The following RHOBTB3 variants were observed in gnomAD, a reference collection of about 807,000 sequenced individuals.
The protein encoded by RHOBTB3 is rho-related BTB domain-containing protein 3.
RHOBTB3 carries 47 observed loss-of-function variants against 67.2 expected under a neutral mutation model. That is an observed-to-expected ratio of 0.70 (90% CI 0.55 to 0.89). The LOEUF is 0.89. RHOBTB3 is among the 40% of genes least tolerant of loss of function. The pLI is 0.00. For synonymous variants in RHOBTB3, 273 were observed against 274.2 expected (o/e 1.00, Z 0.04); for missense variants, 631 against 750.0 (o/e 0.84, Z 1.85).
chr5:95,767,932 A>G, intron 7 of RHOBTB3, 114 bp from the exon 8 acceptor site: 1 of 982,146 alleles, frequency 1.0e-6, no homozygotes, highest in Non-Finnish European at 1.6e-6. Flanking sequence ...GTCATAGAGT[A>G]GGGAATCATA....
intron 9 of RHOBTB3, among the ~76,000 whole-genome samples, chr5:95,780,785 C>G (rs1746025467): frequency 6.6e-6 from 1 of 152,144 alleles, no homozygotes; most frequent in Admixed American, 6.5e-5. Flanking sequence ...GCTGTCTCTT[C>G]CACAAGAAGA....
chr5:95,749,488 A>G (rs980782986), intron 4 of RHOBTB3, among the ~76,000 whole-genome samples: 8 of 152,228 alleles, frequency 5.3e-5, no homozygotes, highest in African/African-American at 9.6e-5. Flanking sequence ...TAATATTACA[A>G]TGTTAAAGAA....
intron 2 of RHOBTB3, among the ~76,000 whole-genome samples, chr5:95,735,664 G>A (rs1755438000): frequency 6.6e-6 from 1 of 152,010 alleles, no homozygotes; most frequent in Non-Finnish European, 1.5e-5. Flanking sequence ...TGTACCAAAG[G>A]CCACATAAAA....
chr5:95,732,860 G>A (rs1247831298), intron 2 of RHOBTB3: 1 of 152,126 alleles, frequency 6.6e-6, no homozygotes, highest in Non-Finnish European at 1.5e-5. Context: ...ATAACATTAT[G>A]TTTGAATGTT....
chr5:95,753,338 T>C (rs1314802649), intron 5 of RHOBTB3, among the ~76,000 whole-genome samples: 1 of 152,060 alleles, frequency 6.6e-6, no homozygotes, highest in African/African-American at 2.4e-5. Context: ...GAGGGATATA[T>C]GTGAAGGGTA....
intron 3 of RHOBTB3, among the ~76,000 whole-genome samples, chr5:95,738,012 A>G (rs1001067065): frequency 4.6e-5 from 7 of 152,258 alleles, no homozygotes; most frequent in Non-Finnish European, 1.5e-5. Context: ...AATTTCAGTT[A>G]GCATAATACT....
At chr5:95,780,004 C>T in intron 8 of RHOBTB3, 1 of 445,748 alleles carries the variant, frequency 2.2e-6, no homozygotes. Context: ...TCTGGAAATA[C>T]AAACTAAGTA....
At chr5:95,758,844 G>T (rs1745318537) in intron 6 of RHOBTB3, among the ~76,000 whole-genome samples, 2 of 152,198 alleles carry the variant, frequency 1.3e-5, no homozygotes, top group Admixed American at 1.3e-4. Context: ...TCTCTGGACT[G>T]CCAGAAGCAG....
intron 8 of RHOBTB3, among the ~76,000 whole-genome samples, chr5:95,777,351 T>C (rs1745917434): frequency 6.6e-6 from 1 of 152,246 alleles, no homozygotes; most frequent in Admixed American, 6.5e-5. Context: ...TTTATTTTAG[T>C]AAACAGTCAA....
intron 8 of RHOBTB3, chr5:95,769,688 C>T (rs367564808): frequency 8.3e-4 from 141 of 170,220 alleles, no homozygotes; most frequent in Middle Eastern, 6.9e-3. Flanking sequence ...ATTAATGTAT[C>T]GAATAATTAG....
rs34389233 is a variant in RHOBTB3 at position 95,795,102 on chromosome 5, CA to C, written c.*1944del. On this transcript the variant is annotated 3_prime_UTR_variant, in exon 12 of 12. Coordinates refer to ENST00000379982, the MANE Select transcript of RHOBTB3 (RefSeq NM_014899.4). ...GGGTGACAAGAGCGAAACTCCATCT[CA>C]AAAAAAAAAAAAAAACCAAAGTGAA... 0.083 allele frequency: 10,161 copies of C among 122,482 alleles called. 407 individuals are homozygous for C. Among genetic ancestry groups the C allele is most frequent in the Middle Eastern group, 0.19 (47 of 250 alleles). The allele number at this position is 122,482 out of a possible 1,614,324, so 7.6% of individuals were successfully genotyped here.
intron 9 of RHOBTB3, among the ~76,000 whole-genome samples, chr5:95,781,065 G>A (rs1746033003): frequency 6.6e-6 from 1 of 152,176 alleles, no homozygotes; most frequent in South Asian, 2.1e-4. Context: ...CCAAACATCT[G>A]TGACAGCTCT....
At chr5:95,792,504 A>G (rs1390176755) in intron 11 of RHOBTB3, among the ~76,000 whole-genome samples, 1 of 152,092 alleles carries the variant, frequency 6.6e-6, no homozygotes, top group Non-Finnish European at 1.5e-5. Context: ...ATTGGAAAAG[A>G]AAAGGAAGCC....
chr5:95,768,158 A>C lies in RHOBTB3; in HGVS notation c.1274A>C (p.Glu425Ala). 1 of 1,611,688 alleles carries C rather than the reference A, an allele frequency of 6.2e-7. No individual in the cohort carries two copies. The highest frequency in any genetic ancestry group is 8.5e-7 in the Non-Finnish European group (1 of 1,179,246). ...CCGATGCTTGCCGATGTTGTCTTCG[A>C]AATTCAAGGTACGGATCAACTTTTA... ...NKPMLADVVF[E>A]IQGTTVPAHR... Residue 425 changes from glutamate to alanine, a missense_variant, in exon 8 of 12, where the codon GAA (glutamate) becomes GCA (alanine). Glu to Ala is a moderately radical substitution (Grantham distance 107). Coordinates refer to ENST00000379982, the MANE Select transcript of RHOBTB3 (RefSeq NM_014899.4).
chr5:95,774,781 C>A (rs779124339), intron 8 of RHOBTB3, among the ~76,000 whole-genome samples: 11 of 152,082 alleles, frequency 7.2e-5, no homozygotes, highest in African/African-American at 2.7e-4. Flanking sequence ...AAATTTGATA[C>A]AACTGTATGT....
At chr5:95,723,546 G>C (rs996588475) in intron 1 of RHOBTB3, among the ~76,000 whole-genome samples, 2 of 150,014 alleles carry the variant, frequency 1.3e-5, no homozygotes, top group Admixed American at 1.3e-4. Flanking sequence ...GTTGTTTTTT[G>C]TTTGTTTGTT....
At chr5:95,719,020 A>G (rs1754778471) in intron 1 of RHOBTB3, among the ~76,000 whole-genome samples, 1 of 152,186 alleles carries the variant, frequency 6.6e-6, no homozygotes, top group Non-Finnish European at 1.5e-5. Context: ...GTAAGGAGGT[A>G]TAAAGTGGAG....
chr5:95,736,818 A>G, intron 2 of RHOBTB3, 71 bp from the exon 3 acceptor site: 2 of 1,029,046 alleles, frequency 1.9e-6, no homozygotes, highest in Non-Finnish European at 2.8e-6. Flanking sequence ...CCAAAAATTA[A>G]TGTCATAAAT....
At chr5:95,784,606 G>A (rs755531494) in intron 10 of RHOBTB3, among the ~76,000 whole-genome samples, 10 of 152,082 alleles carry the variant, frequency 6.6e-5, no homozygotes, top group Non-Finnish European at 1.3e-4. Context: ...GAACGGGGGT[G>A]GGGGAGTTAC....
Sources: allele counts gnomAD v4.1 joint callset (sites outside exome capture counted in the v4.1 genomes callset), GRCh38; gene constraint gnomAD v4.1.1; transcripts MANE v1.5; gene names NCBI Gene and HGNC (gene_info 2026-07-23, HGNC 2026-07-21).